The following TAFA1 variants were observed in gnomAD, a reference collection of about 807,000 sequenced individuals.
TAFA1 encodes TAFA chemokine like family member 1, also known as chemokine-like protein TAFA-1.
Under a neutral mutation model 18.5 loss-of-function variants are expected in TAFA1, and 4 were observed. The observed-to-expected ratio is 0.22, with a 90% CI of 0.11 to 0.49. The LOEUF is 0.49. Ranked by LOEUF, TAFA1 falls within the 20% of genes least tolerant of loss-of-function variation. The probability of loss-of-function intolerance (pLI) is 0.98; values close to 1 mark genes in which losing one functional copy is unlikely to be tolerated. For synonymous variants in TAFA1, 56 were observed against 55.2 expected (o/e 1.01, Z -0.06); for missense variants, 147 against 169.0 (o/e 0.87, Z 0.72).
intron 2 of TAFA1, among the ~76,000 whole-genome samples, chr3:68,287,711 G>T (rs2107269925): frequency 6.6e-6 from 1 of 152,156 alleles, no homozygotes; most frequent in Non-Finnish European, 1.5e-5. Flanking sequence ...TTTAACAGTG[G>T]ATGTTTCCTG....
At chr3:68,429,664 C>A (rs983698466) in intron 3 of TAFA1, among the ~76,000 whole-genome samples, 5 of 151,924 alleles carry the variant, frequency 3.3e-5, no homozygotes, top group African/African-American at 1.2e-4. Flanking sequence ...TCATCCATTT[C>A]TCCTCATTCC....
intron 2 of TAFA1, among the ~76,000 whole-genome samples, chr3:68,146,302 T>C (rs1340832953): frequency 6.6e-6 from 1 of 152,180 alleles, no homozygotes; most frequent in African/African-American, 2.4e-5. Context: ...GACCACACTT[T>C]GTGTAGCAAG....
chr3:68,458,796 T>G (rs1357892275), intron 3 of TAFA1, among the ~76,000 whole-genome samples: 1 of 152,066 alleles, frequency 6.6e-6, no homozygotes, highest in Non-Finnish European at 1.5e-5. Flanking sequence ...CACTTTTTTT[T>G]TTTTTAAACT....
intron 2 of TAFA1, among the ~76,000 whole-genome samples, chr3:68,346,433 C>T (rs2069164918): frequency 6.6e-6 from 1 of 152,186 alleles, no homozygotes; most frequent in Admixed American, 6.6e-5. Flanking sequence ...GCTGACATTA[C>T]AGGCAATCTT....
At position 68,300,044 on chromosome 3, in the gene TAFA1, C is replaced by T. The variant is rs146527602; in HGVS notation, c.119-117236C>T. 9.6e-4 allele frequency among the ~76,000 whole-genome samples: 146 copies of T among 152,344 alleles called. 2 individuals are homozygous for T. The highest frequency in any genetic ancestry group is 3.4e-3 in the Middle Eastern group (1 of 294). On this transcript the variant is annotated intron_variant, in intron 2 of 4. Transcript: ENST00000478136. The stretch of plus-strand genomic sequence containing the variant: ...TGGGAACCCCCACTTAGAGTCCCCA[C>T]GGGGGCACTGTCTAGTGGAGCTGAG...
At chr3:68,146,499 A>T (rs2065743335) in intron 2 of TAFA1, among the ~76,000 whole-genome samples, 1 of 152,224 alleles carries the variant, frequency 6.6e-6, no homozygotes, top group African/African-American at 2.4e-5. Context: ...ACTGTGGAAT[A>T]AAAATAAGTT....
chr3:68,522,452 C>T (rs537969217), intron 3 of TAFA1, among the ~76,000 whole-genome samples: 3 of 152,138 alleles, frequency 2.0e-5, no homozygotes, highest in Non-Finnish European at 4.4e-5. Context: ...ATGGCCATTC[C>T]GATTTACTGA....
chr3:68,139,977 A>T (rs2065650586), intron 2 of TAFA1, among the ~76,000 whole-genome samples: 1 of 152,192 alleles, frequency 6.6e-6, no homozygotes. Flanking sequence ...GGTTGTTAAG[A>T]CTAAATGAAA....
At chr3:68,440,047 C>A (rs900415430) in intron 3 of TAFA1, among the ~76,000 whole-genome samples, 22 of 152,012 alleles carry the variant, frequency 1.4e-4, no homozygotes, top group Non-Finnish European at 2.4e-4. Context: ...GTGTCCCCCC[C>A]CTCCAAATCT....
chr3:68,349,856 C>T (rs1286257042), intron 2 of TAFA1, among the ~76,000 whole-genome samples: 1 of 152,100 alleles, frequency 6.6e-6, no homozygotes, highest in Admixed American at 6.6e-5. Flanking sequence ...CCCAGAAGAT[C>T]AGCATCTCTG....
At chr3:68,265,011 T>C (rs1003374282) in intron 2 of TAFA1, among the ~76,000 whole-genome samples, 6 of 152,186 alleles carry the variant, frequency 3.9e-5, no homozygotes, top group African/African-American at 1.4e-4. Flanking sequence ...TGAAAATGTA[T>C]GCAAAAATTG....
intron 2 of TAFA1, among the ~76,000 whole-genome samples, chr3:68,277,357 C>G (rs758638335): frequency 7.9e-5 from 12 of 152,220 alleles, no homozygotes; most frequent in Non-Finnish European, 1.2e-4. Context: ...ATTTATACTT[C>G]TATCGATTAC....
chr3:68,007,633 C>T (rs1405647484), intron 2 of TAFA1, among the ~76,000 whole-genome samples: 1 of 143,704 alleles, frequency 7.0e-6, no homozygotes, highest in Non-Finnish European at 1.5e-5. Context: ...CTTCCTCTCT[C>T]GCGACGGTCA....
At position 68,378,739 on chromosome 3, in the gene TAFA1, G is replaced by C. The variant is rs187238701; in HGVS notation, c.119-38541G>C. ...GTTGAGGGAGGGAGGTGATTGGATC[G>C]TGGGAGAGGTTTTCGCCATGCTGTT... On this transcript the variant is annotated intron_variant, in intron 2 of 4. Transcript: ENST00000478136. Among the ~76,000 whole-genome samples, 497 of 152,198 alleles carry C rather than the reference G, an allele frequency of 3.3e-3. 3 individuals carry two copies. The highest frequency in any genetic ancestry group is 5.3e-3 in the Non-Finnish European group (362 of 68,006).
chr3:68,246,028 T>C (rs781148761), intron 2 of TAFA1, among the ~76,000 whole-genome samples: 3 of 152,142 alleles, frequency 2.0e-5, no homozygotes, highest in Admixed American at 6.5e-5. Flanking sequence ...GTGTGTTTTG[T>C]TCCCTGCTCT....
intron 2 of TAFA1, among the ~76,000 whole-genome samples, chr3:68,187,256 T>TA (rs957514077): frequency 6.6e-6 from 1 of 151,890 alleles, no homozygotes; most frequent in Non-Finnish European, 1.5e-5. Flanking sequence ...GTATAGCATA[T>TA]AAAAAAAGAA....
At chr3:68,364,572 A>T (rs2069530726) in intron 2 of TAFA1, among the ~76,000 whole-genome samples, 1 of 152,226 alleles carries the variant, frequency 6.6e-6, no homozygotes. Context: ...TATTTATCTT[A>T]TAAACTTACA....
chr3:68,038,989 T>C (rs561539101), intron 2 of TAFA1, among the ~76,000 whole-genome samples: 1 of 152,336 alleles, frequency 6.6e-6, no homozygotes, highest in East Asian at 1.9e-4. Flanking sequence ...ACTTTCACTG[T>C]ACATGATCCT....
intron 4 of TAFA1, among the ~76,000 whole-genome samples, chr3:68,540,218 C>A (rs1048692867): frequency 6.6e-6 from 1 of 151,634 alleles, no homozygotes; most frequent in Non-Finnish European, 1.5e-5. Context: ...CTTTTTTGAC[C>A]CCCTTGACCA....
Sources: allele counts gnomAD v4.1 joint callset (sites outside exome capture counted in the v4.1 genomes callset), GRCh38; gene constraint gnomAD v4.1.1; transcripts MANE v1.5; gene names NCBI Gene and HGNC (gene_info 2026-07-23, HGNC 2026-07-21).